NOX4: variants seen among roughly 807,000 people sequenced by gnomAD.
The protein encoded by NOX4 is kidney oxidase-1.
In NOX4, 69 loss-of-function variants were observed where a neutral mutation model predicts 87.6. The observed-to-expected ratio is 0.79, with a 90% CI of 0.65 to 0.96. NOX4 has a LOEUF of 0.96. NOX4 is among the 40% of genes least tolerant of loss of function. The probability of loss-of-function intolerance (pLI) is 0.00; values close to 1 mark genes in which losing one functional copy is unlikely to be tolerated. For synonymous variants in NOX4, 275 were observed against 238.2 expected (o/e 1.15, Z -1.42); for missense variants, 680 against 681.5 (o/e 1.00, Z 0.02).
At position 89,324,946 on chromosome 11, in the gene NOX4, T is replaced by C. The variant is rs1565158461; in HGVS notation, c.*1810A>G. The C allele has an allele frequency of 6.6e-6, 1 of 151,972 alleles. No homozygotes were observed. The highest frequency in any genetic ancestry group is 1.5e-5 in the Non-Finnish European group (1 of 67,992). The allele number at this position is 151,972 out of a possible 1,614,324, so 9.4% of individuals were successfully genotyped here. A position where few individuals can be genotyped will look rare whatever the true frequency, so the allele number is the denominator to read the frequency against. On this transcript the variant is annotated 3_prime_UTR_variant, in exon 18 of 18. Coordinates refer to ENST00000263317, the MANE Select transcript of NOX4 (RefSeq NM_016931.5). ...TATGGGTTAGCATGCTTGATTGCTA[T>C]TGGTGAATTATAGCAAAAAAAGGCC...
chr11:89,378,018 C>A (rs763289343), intron 11 of NOX4, among the ~76,000 whole-genome samples: 1 of 152,166 alleles, frequency 6.6e-6, no homozygotes, highest in African/African-American at 2.4e-5. Context: ...CTCTCTGATA[C>A]CACTTATTTC....
the NOX4 span, among the ~76,000 whole-genome samples, chr11:89,512,282 A>G: frequency 1.3e-5 from 2 of 152,078 alleles, no homozygotes; most frequent in Non-Finnish European, 1.5e-5. Flanking sequence ...ATAATAAAAC[A>G]CTTGATATAG....
At chr11:89,427,961 G>A (rs1190950885) in intron 7 of NOX4, among the ~76,000 whole-genome samples, 3 of 152,184 alleles carry the variant, frequency 2.0e-5, no homozygotes, top group Non-Finnish European at 4.4e-5. Context: ...GTTAAGGGCA[G>A]CCAGAGAGAA....
chr11:89,488,801 T>C (rs1946731605), intron 2 of NOX4: 1 of 514,938 alleles, frequency 1.9e-6, no homozygotes. Context: ...TTACACCTAA[T>C]GGGGAAATAC....
intron 2 of NOX4, among the ~76,000 whole-genome samples, chr11:89,481,371 T>C (rs906598602): frequency 6.9e-6 from 1 of 145,708 alleles, no homozygotes; most frequent in Non-Finnish European, 1.5e-5. Flanking sequence ...ATAGTAATAG[T>C]TATCAATTTG....
the NOX4 span, among the ~76,000 whole-genome samples, chr11:89,508,142 A>T: frequency 6.6e-6 from 1 of 152,214 alleles, no homozygotes; most frequent in South Asian, 2.1e-4. Flanking sequence ...CCTCCAAGAT[A>T]CTGTTAGCTA....
intron 2 of NOX4, among the ~76,000 whole-genome samples, chr11:89,466,887 A>G (rs998996875): frequency 1.3e-5 from 2 of 152,328 alleles, no homozygotes; most frequent in African/African-American, 4.8e-5. Flanking sequence ...ACATCCATGC[A>G]GGGAAAAAAG....
chr11:89,442,595 C>T (rs1241517333), intron 5 of NOX4, among the ~76,000 whole-genome samples: 1 of 151,818 alleles, frequency 6.6e-6, no homozygotes, highest in African/African-American at 2.4e-5. Flanking sequence ...AAGTAAATCG[C>T]CAAGGAATAT....
At chr11:89,450,638 T>C (rs1229212221) in intron 3 of NOX4, among the ~76,000 whole-genome samples, 1 of 151,938 alleles carries the variant, frequency 6.6e-6, no homozygotes, top group Non-Finnish European at 1.5e-5. Context: ...TAGTTACATA[T>C]GTATACATGT....
the NOX4 span, among the ~76,000 whole-genome samples, chr11:89,571,691 G>GAA: frequency 4.9e-3 from 706 of 144,876 alleles, 3 homozygotes; most frequent in African/African-American, 0.013. Context: ...TTACTTTTGT[G>GAA]AAAAAAAAAA....
At chr11:89,444,711 G>A (rs1944613810) in intron 4 of NOX4, among the ~76,000 whole-genome samples, 1 of 151,988 alleles carries the variant, frequency 6.6e-6, no homozygotes, top group Non-Finnish European at 1.5e-5. Context: ...GCCACTGAAA[G>A]ACTTTCAACT....
At chr11:89,560,964 C>A in the NOX4 span, among the ~76,000 whole-genome samples, 6,791 of 49,402 alleles carry the variant, frequency 0.14, 563 homozygotes, top group African/African-American at 0.18. Flanking sequence ...CTCATCTCGT[C>A]TCTCTCTCTC....
At chr11:89,527,576 C>T in the NOX4 span, among the ~76,000 whole-genome samples, 7 of 152,080 alleles carry the variant, frequency 4.6e-5, no homozygotes, top group Non-Finnish European at 7.4e-5. Context: ...TGCCCTGTGT[C>T]CCAGATATGG....
At chr11:89,451,644 G>T in intron 3 of NOX4, 141 bp downstream of exon 3, 1 of 607,418 alleles carries the variant, frequency 1.6e-6, no homozygotes, top group Non-Finnish European at 3.0e-6. Flanking sequence ...GATCATCTTG[G>T]CAGGTGACAT....
intron 2 of NOX4, among the ~76,000 whole-genome samples, chr11:89,460,151 A>G (rs1198100752): frequency 6.6e-6 from 1 of 152,228 alleles, no homozygotes; most frequent in East Asian, 1.9e-4. Flanking sequence ...ACCTTATACA[A>G]AAATTAATTC....
chr11:89,424,532 A>C (rs970062718), intron 7 of NOX4, among the ~76,000 whole-genome samples: 2 of 151,934 alleles, frequency 1.3e-5, no homozygotes, highest in African/African-American at 4.8e-5. Flanking sequence ...TTTCTTAGGA[A>C]TACATCTAGT....
chr11:89,575,783 T>C, the NOX4 span, among the ~76,000 whole-genome samples: 1 of 152,284 alleles, frequency 6.6e-6, no homozygotes, highest in East Asian at 1.9e-4. Flanking sequence ...TTTCCTTCTC[T>C]TCCTACTTCA....
chr11:89,575,648 CTTT>C, the NOX4 span, among the ~76,000 whole-genome samples: 2 of 152,104 alleles, frequency 1.3e-5, no homozygotes, highest in African/African-American at 4.8e-5. Context: ...GGAGCTGCCC[CTTT>C]TTGTTTCTGT....
intron 11 of NOX4, among the ~76,000 whole-genome samples, chr11:89,377,454 T>A (rs552107765): frequency 6.6e-6 from 1 of 152,270 alleles, no homozygotes; most frequent in South Asian, 2.1e-4. Flanking sequence ...GAAATACGTA[T>A]TTTAATATCC....
Sources: allele counts gnomAD v4.1 joint callset (sites outside exome capture counted in the v4.1 genomes callset), GRCh38; gene constraint gnomAD v4.1.1; transcripts MANE v1.5; gene names NCBI Gene and HGNC (gene_info 2026-07-23, HGNC 2026-07-21).